Variants in RNF175 observed in about 807,000 individuals in gnomAD.
RNF175 encodes ring finger protein 175.
A neutral mutation model predicts 50.0 loss-of-function variants in RNF175; 38 were observed. The observed-to-expected ratio is 0.76, with a 90% CI of 0.59 to 1.00. The LOEUF (loss-of-function observed/expected upper bound fraction) is 1.00. RNF175 is among the 50% of genes least tolerant of loss of function. RNF175 has a pLI of 0.00. For missense variants in RNF175, 388 were observed against 409.6 expected (o/e 0.95, Z 0.46); for synonymous variants, 155 against 146.1 (o/e 1.06, Z -0.44).
intron 7 of RNF175, chr4:153,713,398 C>T (rs1429121180): frequency 1.3e-5 from 2 of 152,204 alleles, no homozygotes; most frequent in African/African-American, 2.4e-5. Context: ...ATTGAATGAA[C>T]ATTTGAATGA....
rs34991607 is a variant in RNF175 at position 153,742,272 on chromosome 4, CA to C, written c.246+6372del. ...TGGGTGACAGAGTGAGCTTCTGTTC[CA>C]AAAAAAAAAAAAAAAAAAAATTCAG... On this transcript the variant is annotated intron_variant, in intron 3 of 8. Coordinates refer to ENST00000347063, the MANE Select transcript of RNF175 (RefSeq NM_173662.4). 6.2e-3 allele frequency among the ~76,000 whole-genome samples: 648 copies of C among 103,874 alleles called. 5 individuals carry two copies. The highest frequency in any genetic ancestry group is 0.023 in the African/African-American group (583 of 25,520). 68.1% of individuals were successfully genotyped at this position (103,874 alleles called of 152,430 possible).
chr4:153,713,780 C>T (rs1021410438), intron 7 of RNF175: 16 of 152,164 alleles, frequency 1.1e-4, no homozygotes, highest in South Asian at 4.1e-4. Context: ...TGTATTATAA[C>T]GAAGATTTTG....
Position 153,742,924 on chromosome 4 carries a change from GAA to G in RNF175, c.246+5719_246+5720del. Among the ~76,000 whole-genome samples the G allele has an allele frequency of 2.0e-5, 3 of 152,016 alleles. No individual in the cohort carries two copies. In the South Asian group the frequency reaches 6.2e-4, roughly 32 times the overall value. The stretch of plus-strand genomic sequence containing the variant: ...AAATTTCACTATGTAGCCCCTTGTA[GAA>G]AAGAGCCAGCAATGTTGTGAATCTT... On this transcript the variant is annotated intron_variant, in intron 3 of 8. Transcript: ENST00000347063.
chr4:153,751,942 G>C (rs917459590), intron 1 of RNF175, among the ~76,000 whole-genome samples: 44 of 152,226 alleles, frequency 2.9e-4, no homozygotes, highest in Admixed American at 1.0e-3. Context: ...AGACAGAGCT[G>C]AGCAGAGGCT....
At chr4:153,711,199 G>C (rs546312117) in intron 8 of RNF175, among the ~76,000 whole-genome samples, 17 of 152,014 alleles carry the variant, frequency 1.1e-4, no homozygotes, top group Non-Finnish European at 2.2e-4. Flanking sequence ...GGTTTTATAG[G>C]TTAATAACCA....
Position 153,759,987 on chromosome 4 carries a change from G to T in RNF175, c.-125C>A. On this transcript the variant is annotated 5_prime_UTR_variant, in exon 1 of 9. Transcript: ENST00000347063. ...GAGAGCCGGATCTGCGGCGGCGGCG[G>T]AGCGGCGGCCCTGCCCGGGTTGTGC... The T allele has an allele frequency of 3.8e-6, 2 of 525,642 alleles. No homozygotes were observed. The highest frequency in any genetic ancestry group is 1.1e-4 in the South Asian group (2 of 18,874). The allele number at this position is 525,642 out of a possible 1,614,324, so 32.6% of individuals were successfully genotyped here.
chr4:153,734,731 A>T (rs1195855317), intron 3 of RNF175, among the ~76,000 whole-genome samples: 2 of 122,794 alleles, frequency 1.6e-5, no homozygotes, highest in African/African-American at 6.6e-5. Context: ...GCTGGAGCGC[A>T]GTGGCGTGAT....
At chr4:153,726,366 A>G (rs2127118291) in intron 4 of RNF175, among the ~76,000 whole-genome samples, 1 of 152,226 alleles carries the variant, frequency 6.6e-6, no homozygotes, top group Admixed American at 6.5e-5. Context: ...CGGCCTCCCA[A>G]AGTGCTGGGA....
chr4:153,721,765 T>TATC (rs1425035258), intron 5 of RNF175, among the ~76,000 whole-genome samples: 4 of 152,154 alleles, frequency 2.6e-5, no homozygotes, highest in Non-Finnish European at 4.4e-5. Context: ...TGGGAACAGC[T>TATC]ATCGTTCCCA....
intron 5 of RNF175, among the ~76,000 whole-genome samples, chr4:153,721,954 G>A (rs1224407557): frequency 6.6e-6 from 1 of 152,176 alleles, no homozygotes; most frequent in Non-Finnish European, 1.5e-5. Context: ...TGCTCCAAAA[G>A]TTTTATGAAA....
rs11327953 is a variant in RNF175 at position 153,721,157 on chromosome 4, G to GT, written c.510-854dup. ...TTCTTTGTGATCATCCCCCCAGCCAGTTTTTTTTTTTCTTAAGGGAAAGAT... is the reference window on the plus strand; with the variant it reads ...TTCTTTGTGATCATCCCCCCAGCCAGTTTTTTTTTTTTCTTAAGGGAAAGAT... On this transcript the variant is annotated intron_variant, in intron 5 of 8. Transcript: ENST00000347063. Among the ~76,000 whole-genome samples the GT allele has an allele frequency of 1.4e-3, 204 of 148,798 alleles. 2 individuals are homozygous for GT. In the East Asian group the frequency reaches 0.018, roughly 13 times the overall value.
Position 153,710,439 on chromosome 4 carries a change from T to C in RNF175, c.917A>G (p.Tyr306Cys). The C allele has an allele frequency of 6.3e-7, 1 of 1,599,450 alleles. No homozygotes were observed. The highest frequency in any genetic ancestry group is 8.5e-7 in the Non-Finnish European group (1 of 1,172,270). The change falls in exon 9 of 9, where the codon TAT (tyrosine) becomes TGT (cysteine). Residue 306 changes from tyrosine to cysteine, a missense_variant. Tyr to Cys is a radical substitution (Grantham distance 194). Transcript: ENST00000347063. ...CACCACAGGTTGCCAGGCCACCAAA[T>C]AACGAAGCCAATCCAGGATTTGTCC... ...LYGQILDWLR[Y>C]LVAWQPVVIG...
intron 1 of RNF175, among the ~76,000 whole-genome samples, chr4:153,751,677 T>G (rs1234523429): frequency 6.6e-6 from 1 of 152,236 alleles, no homozygotes; most frequent in East Asian, 1.9e-4. Flanking sequence ...CAGGTCACTA[T>G]TAATAAATAT....
At chr4:153,718,969 A>T (rs1579039226) in intron 6 of RNF175, among the ~76,000 whole-genome samples, 1 of 152,172 alleles carries the variant, frequency 6.6e-6, no homozygotes, top group African/African-American at 2.4e-5. Flanking sequence ...TAAAAAAATT[A>T]AATTTAATTT....
In RNF175 at chr4:153,759,850, T is replaced by TC; in HGVS notation, c.12dup (p.Thr5AspfsTer170). On this transcript the variant is annotated frameshift_variant, in exon 1 of 9. Coordinates refer to ENST00000347063, the MANE Select transcript of RNF175 (RefSeq NM_173662.4). LOFTEE classifies it high-confidence loss of function. ...ACCGGCGCTGCCTTCCGCGCCGCCG[T>TC]CCCCGCGGCCATGCCTGAGCCACTG... 1 of 1,457,938 alleles carries TC rather than the reference T, an allele frequency of 6.9e-7. No individual in the cohort carries two copies. The highest frequency in any genetic ancestry group is 9.0e-7 in the Non-Finnish European group (1 of 1,112,456). The allele number at this position is 1,457,938 out of a possible 1,614,324, so 90.3% of individuals were successfully genotyped here. A position where few individuals can be genotyped will look rare whatever the true frequency, so the allele number is the denominator to read the frequency against.
At chr4:153,727,802 T>A (rs1475216904) in intron 4 of RNF175, 1 of 153,268 alleles carries the variant, frequency 6.5e-6, no homozygotes, top group Non-Finnish European at 1.5e-5. Flanking sequence ...CCATGACTTA[T>A]GATTTATTAC....
chr4:153,759,702 G>T, intron 1 of RNF175, 95 bp downstream of exon 1: 1 of 798,120 alleles, frequency 1.3e-6, no homozygotes, highest in South Asian at 2.1e-5. Context: ...GGGGCCCGGG[G>T]TCTTGGAGAC....
At chr4:153,710,550 G>A (rs940329348) in intron 8 of RNF175, 61 bp from the exon 9 acceptor site, 2 of 1,499,800 alleles carry the variant, frequency 1.3e-6, no homozygotes, top group Non-Finnish European at 1.8e-6. Context: ...ATTCATAAAT[G>A]TCATTTGCAA....
rs923404694 is a variant in RNF175 at position 153,757,242 on chromosome 4, A to C, written c.66+2555T>G. Among the ~76,000 whole-genome samples the C allele has an allele frequency of 2.0e-5, 3 of 152,242 alleles. No homozygotes were observed. The South Asian group carries it at 6.2e-4, about 32-fold the overall frequency. ...ACCTTGAACATTGTTACCAGACTGCATTGTTGATGACTTATTTACTTACCT... is the reference window on the plus strand; with the variant it reads ...ACCTTGAACATTGTTACCAGACTGCCTTGTTGATGACTTATTTACTTACCT... On this transcript the variant is annotated intron_variant, in intron 1 of 8. Transcript: ENST00000347063.
Sources: gnomAD v4.1 joint callset for allele counts (sites outside exome capture counted in the v4.1 genomes callset) on GRCh38, gnomAD v4.1.1 for gene constraint, MANE v1.5 for transcripts, NCBI Gene and HGNC (gene_info 2026-07-23, HGNC 2026-07-21) for gene names.